BLTP3B: variants seen among roughly 807,000 people sequenced by gnomAD.
The protein encoded by BLTP3B is bridge-like lipid transfer protein family member 3B, also known as UHRF1 (ICBP90) binding protein 1-like.
At chr12:100,102,888 GATT>G in the BLTP3B span, 1 of 1,282,976 alleles carries the variant, frequency 7.8e-7, no homozygotes, top group Non-Finnish European at 1.1e-6. Flanking sequence ...TAAACAATTA[GATT>G]ATTTATTCTA....
the BLTP3B span, among the ~76,000 whole-genome samples, chr12:100,084,150 C>CT: frequency 6.6e-6 from 1 of 151,746 alleles, no homozygotes; most frequent in East Asian, 1.9e-4. Context: ...GATCACACCA[C>CT]TGCACTTCAG....
the BLTP3B span, chr12:100,095,592 T>C: frequency 2.6e-6 from 4 of 1,525,524 alleles, no homozygotes; most frequent in East Asian, 4.6e-5. Flanking sequence ...TTAAAGAAAA[T>C]ACCAACAATT....
the BLTP3B span, among the ~76,000 whole-genome samples, chr12:100,132,377 G>A: frequency 6.6e-6 from 1 of 152,162 alleles, no homozygotes; most frequent in East Asian, 1.9e-4. Context: ...TAGGTAGGAA[G>A]TGTTTGGGTC....
At chr12:100,038,129 A>T in the BLTP3B span, among the ~76,000 whole-genome samples, 2 of 151,850 alleles carry the variant, frequency 1.3e-5, no homozygotes, top group Non-Finnish European at 2.9e-5. Context: ...ATCCATTTCA[A>T]CCTATGTATG....
chr12:100,129,184 A>G, the BLTP3B span, among the ~76,000 whole-genome samples: 1 of 152,056 alleles, frequency 6.6e-6, no homozygotes, highest in Non-Finnish European at 1.5e-5. Context: ...CTGAGGCATA[A>G]AGCTAGCCAT....
the BLTP3B span, among the ~76,000 whole-genome samples, chr12:100,129,027 C>G: frequency 6.6e-6 from 1 of 151,746 alleles, no homozygotes; most frequent in Non-Finnish European, 1.5e-5. Flanking sequence ...AGAAGTTATA[C>G]AAAAGCTGAA....
the BLTP3B span, among the ~76,000 whole-genome samples, chr12:100,074,609 A>C: frequency 6.6e-6 from 1 of 151,798 alleles, no homozygotes; most frequent in South Asian, 2.1e-4. Context: ...AAAAAAAAAA[A>C]AGTCCACACT....
At chr12:100,105,735 T>C in the BLTP3B span, among the ~76,000 whole-genome samples, 2 of 152,120 alleles carry the variant, frequency 1.3e-5, no homozygotes, top group African/African-American at 4.8e-5. Context: ...ATCATCTGAG[T>C]AAACTGACAA....
At chr12:100,086,599 G>A in the BLTP3B span, among the ~76,000 whole-genome samples, 1 of 152,130 alleles carries the variant, frequency 6.6e-6, no homozygotes, top group Non-Finnish European at 1.5e-5. Flanking sequence ...CCCTGCCCTG[G>A]TAGAGTTCAC....
At chr12:100,071,038 G>A in the BLTP3B span, among the ~76,000 whole-genome samples, 1 of 152,100 alleles carries the variant, frequency 6.6e-6, no homozygotes, top group Non-Finnish European at 1.5e-5. Context: ...TAAATAAATG[G>A]GCAAGTAGGT....
chr12:100,114,457 C>T, the BLTP3B span, among the ~76,000 whole-genome samples: 7 of 152,146 alleles, frequency 4.6e-5, no homozygotes, highest in Non-Finnish European at 1.0e-4. Flanking sequence ...CAATTCAAAT[C>T]CTTAATATGA....
the BLTP3B span, chr12:100,069,906 A>G: frequency 2.9e-6 from 3 of 1,029,530 alleles, no homozygotes; most frequent in Non-Finnish European, 3.5e-6. Flanking sequence ...AATTTTTAAA[A>G]ATTACTTGTT....
At chr12:100,045,065 G>C in the BLTP3B span, among the ~76,000 whole-genome samples, 1 of 152,110 alleles carries the variant, frequency 6.6e-6, no homozygotes, top group African/African-American at 2.4e-5. Context: ...CCTCTTCAAG[G>C]AGAACTACAA....
chr12:100,040,355 A>T, the BLTP3B span, among the ~76,000 whole-genome samples: 4 of 152,078 alleles, frequency 2.6e-5, no homozygotes, highest in East Asian at 7.7e-4. Flanking sequence ...ATGTAGCAAG[A>T]CCTGTCTCTA....
At chr12:100,061,085 T>C in the BLTP3B span, among the ~76,000 whole-genome samples, 2 of 152,148 alleles carry the variant, frequency 1.3e-5, no homozygotes, top group East Asian at 1.9e-4. Flanking sequence ...ATGAGACATA[T>C]ACAAACAGAG....
chr12:100,063,445 G>A, the BLTP3B span, among the ~76,000 whole-genome samples: 2 of 152,092 alleles, frequency 1.3e-5, no homozygotes, highest in African/African-American at 2.4e-5. Context: ...AGTGGCTCAC[G>A]CCTGTAATCC....
chr12:100,097,598 A>T, the BLTP3B span: 1 of 1,355,392 alleles, frequency 7.4e-7, no homozygotes, highest in African/African-American at 1.5e-5. Flanking sequence ...GTATATTCTC[A>T]GTTAATTTTC....
At chr12:100,138,556 A>G in the BLTP3B span, among the ~76,000 whole-genome samples, 2 of 152,224 alleles carry the variant, frequency 1.3e-5, no homozygotes, top group Non-Finnish European at 2.9e-5. Flanking sequence ...AAGTCTTGAC[A>G]ATTAAAAATA....
At chr12:100,100,559 A>C in the BLTP3B span, among the ~76,000 whole-genome samples, 1 of 151,776 alleles carries the variant, frequency 6.6e-6, no homozygotes, top group Non-Finnish European at 1.5e-5. Flanking sequence ...AAAAATACAA[A>C]AAACTAGCCA....
Sources: allele counts gnomAD v4.1 joint callset (sites outside exome capture counted in the v4.1 genomes callset), GRCh38; gene constraint gnomAD v4.1.1; transcripts MANE v1.5; gene names NCBI Gene and HGNC (gene_info 2026-07-23, HGNC 2026-07-21).